C8orf34: variants seen among roughly 807,000 people sequenced by gnomAD.
C8orf34 encodes the protein chromosome 8 open reading frame 34, also known as uncharacterized protein C8orf34.
C8orf34 carries 65 observed loss-of-function variants against 68.3 expected under a neutral mutation model. That is an observed-to-expected ratio of 0.95 (90% CI 0.78 to 1.17). The LOEUF (loss-of-function observed/expected upper bound fraction) is 1.17. Ranked by LOEUF, C8orf34 falls within the 50% of genes most tolerant of loss-of-function variation. The probability of loss-of-function intolerance (pLI) is 0.00; values close to 1 mark genes in which losing one functional copy is unlikely to be tolerated. For missense variants in C8orf34, 664 were observed against 655.4 expected (o/e 1.01, Z -0.14); for synonymous variants, 244 against 241.2 (o/e 1.01, Z -0.11).
At chr8:68,715,773 T>G (rs1047684014) in intron 9 of C8orf34, among the ~76,000 whole-genome samples, 2 of 152,092 alleles carry the variant, frequency 1.3e-5, no homozygotes, top group Non-Finnish European at 2.9e-5. Context: ...CTTAAATAAC[T>G]AAAAGAAGAT....
At chr8:68,361,443 A>C (rs767468089) in intron 1 of C8orf34, among the ~76,000 whole-genome samples, 1 of 152,188 alleles carries the variant, frequency 6.6e-6, no homozygotes, top group South Asian at 2.1e-4. Flanking sequence ...TCAACAGCCA[A>C]TATTCCTGGC....
Position 68,547,193 on chromosome 8 carries a change from G to A in C8orf34, c.1105+14044G>A, listed in dbSNP as rs371732148. On this transcript the variant is annotated intron_variant, in intron 7 of 13. Coordinates refer to ENST00000518698, the MANE Select transcript of C8orf34 (RefSeq NM_052958.4). ...ATTACCAGTATTGGAAATGAAAGAC[G>A]GGAACTGATTTTACTACAGATCTTA... Among the ~76,000 whole-genome samples, 11 of 151,696 alleles carry A rather than the reference G, an allele frequency of 7.3e-5. No homozygotes were observed. The South Asian group carries it at 1.7e-3, about 23-fold the overall frequency.
At chr8:68,738,166 A>T (rs1822176530) in intron 10 of C8orf34, among the ~76,000 whole-genome samples, 1 of 152,152 alleles carries the variant, frequency 6.6e-6, no homozygotes, top group Non-Finnish European at 1.5e-5. Flanking sequence ...CAGTACAATT[A>T]CTTGGAAATT....
At chr8:68,536,169 C>T (rs1815459117) in intron 7 of C8orf34, among the ~76,000 whole-genome samples, 1 of 151,188 alleles carries the variant, frequency 6.6e-6, no homozygotes, top group Non-Finnish European at 1.5e-5. Flanking sequence ...TTGCTTGAGC[C>T]CAGGAATTTG....
intron 7 of C8orf34, among the ~76,000 whole-genome samples, chr8:68,556,772 T>C (rs1028795610): frequency 2.0e-5 from 3 of 152,182 alleles, no homozygotes; most frequent in African/African-American, 7.2e-5. Context: ...ACATTGGTAG[T>C]AATGTAGGTT....
intron 11 of C8orf34, among the ~76,000 whole-genome samples, chr8:68,785,951 C>T (rs925182986): frequency 6.6e-6 from 1 of 152,188 alleles, no homozygotes; most frequent in Non-Finnish European, 1.5e-5. Context: ...GAATATTTAT[C>T]TCATAAAGGA....
At chr8:68,524,254 C>T (rs1265861709) in intron 6 of C8orf34, among the ~76,000 whole-genome samples, 1 of 152,118 alleles carries the variant, frequency 6.6e-6, no homozygotes, top group East Asian at 1.9e-4. Flanking sequence ...CATAATAAAC[C>T]TTGAGAGTCT....
chr8:68,598,385 C>T (rs545509887), intron 7 of C8orf34, among the ~76,000 whole-genome samples: 2 of 152,004 alleles, frequency 1.3e-5, no homozygotes, highest in African/African-American at 2.4e-5. Context: ...CTACGGGTAC[C>T]GAGGGTTCTT....
intron 10 of C8orf34, among the ~76,000 whole-genome samples, chr8:68,728,528 A>G (rs1821896939): frequency 6.6e-6 from 1 of 152,226 alleles, no homozygotes; most frequent in East Asian, 1.9e-4. Context: ...CGCTGCTGAT[A>G]AAAACATAAC....
At chr8:68,771,225 A>G (rs1823326310) in intron 10 of C8orf34, among the ~76,000 whole-genome samples, 1 of 152,170 alleles carries the variant, frequency 6.6e-6, no homozygotes, top group Non-Finnish European at 1.5e-5. Flanking sequence ...CACTGTACCT[A>G]GTTTTTCATT....
At chr8:68,609,978 G>A (rs557605252) in intron 7 of C8orf34, among the ~76,000 whole-genome samples, 1 of 152,126 alleles carries the variant, frequency 6.6e-6, no homozygotes, top group Non-Finnish European at 1.5e-5. Context: ...AATGCAATTA[G>A]GGATAGATAA....
At chr8:68,480,839 C>T (rs1389249463) in intron 4 of C8orf34, among the ~76,000 whole-genome samples, 1 of 151,810 alleles carries the variant, frequency 6.6e-6, no homozygotes, top group African/African-American at 2.4e-5. Flanking sequence ...CTGTTAAAGG[C>T]ATTCTGTTTT....
chr8:68,745,601 C>G (rs1249825562), intron 10 of C8orf34, among the ~76,000 whole-genome samples: 2 of 152,068 alleles, frequency 1.3e-5, no homozygotes, highest in Non-Finnish European at 2.9e-5. Context: ...TCTGATAAAA[C>G]AGACTTTAAA....
chr8:68,779,005 T>C (rs1433563052), intron 11 of C8orf34, among the ~76,000 whole-genome samples: 1 of 151,872 alleles, frequency 6.6e-6, no homozygotes, highest in Non-Finnish European at 1.5e-5. Flanking sequence ...AGTGAGACCC[T>C]GTCTCTACAA....
At chr8:68,376,658 T>G (rs1189333599) in intron 1 of C8orf34, among the ~76,000 whole-genome samples, 2 of 152,026 alleles carry the variant, frequency 1.3e-5, no homozygotes, top group Non-Finnish European at 2.9e-5. Flanking sequence ...GGCCCATTTA[T>G]TCAACTATAT....
At chr8:68,535,021 T>G in intron 7 of C8orf34, 2 of 985,406 alleles carry the variant, frequency 2.0e-6, no homozygotes, top group Non-Finnish European at 2.4e-6. Context: ...TCAGCACAGG[T>G]GGCAAGCAGT....
At chr8:68,550,303 A>T (rs576378105) in intron 7 of C8orf34, among the ~76,000 whole-genome samples, 1 of 151,714 alleles carries the variant, frequency 6.6e-6, no homozygotes, top group African/African-American at 2.4e-5. Context: ...ATATATATTT[A>T]TAGCTATTCC....
chr8:68,522,521 T>A (rs1814799652), intron 6 of C8orf34, among the ~76,000 whole-genome samples: 1 of 152,180 alleles, frequency 6.6e-6, no homozygotes, highest in Non-Finnish European at 1.5e-5. Context: ...CTATTATTTG[T>A]AAATGTGAAA....
chr8:68,501,635 G>A (rs565530068), intron 5 of C8orf34, among the ~76,000 whole-genome samples: 1 of 152,212 alleles, frequency 6.6e-6, no homozygotes, highest in Non-Finnish European at 1.5e-5. Context: ...TTTAAATAAT[G>A]TTAGTGATAG....
Sources: allele counts gnomAD v4.1 joint callset (sites outside exome capture counted in the v4.1 genomes callset), GRCh38; gene constraint gnomAD v4.1.1; transcripts MANE v1.5; gene names NCBI Gene and HGNC (gene_info 2026-07-23, HGNC 2026-07-21).